Variants in MTOR observed in about 807,000 individuals in gnomAD.
MTOR encodes the protein mechanistic target of rapamycin kinase.
MTOR carries 70 observed loss-of-function variants against 319.8 expected under a neutral mutation model. That is an observed-to-expected ratio of 0.22 (90% CI 0.18 to 0.27). MTOR has a LOEUF of 0.27. MTOR is among the 10% of genes least tolerant of loss of function. The pLI, the probability that MTOR is intolerant of heterozygous loss-of-function variation, is 1.00. For synonymous variants in MTOR, 1,183 were observed against 1,211.4 expected, an observed-to-expected ratio of 0.98 and a Z score of 0.49; for missense variants, 1,890 against 3,274.4, an observed-to-expected ratio of 0.58 and a Z score of 10.32.
In MTOR at chr1:11,109,041, T is replaced by C. The variant is rs1250367882; in HGVS notation, c.7528+249A>G. Among the ~76,000 whole-genome samples, 1 of 152,172 alleles carries C rather than the reference T, an allele frequency of 6.6e-6. No homozygotes were observed. Among genetic ancestry groups the C allele is most frequent in the African/African-American group, 2.4e-5 (1 of 41,430 alleles). On this transcript the variant is annotated intron_variant, in intron 56 of 57. Coordinates refer to ENST00000361445, the MANE Select transcript of MTOR (RefSeq NM_004958.4). This position sits in a 1 kb window ranked among gnomAD's most constrained non-coding sequence, Gnocchi z 4.0. ...AACACTTCTCTGAATTTGGCTGATTTTGGACCCAAAAGAAATTTATTCACC... is the reference window on the plus strand; with the variant it reads ...AACACTTCTCTGAATTTGGCTGATTCTGGACCCAAAAGAAATTTATTCACC...
chr1:11,157,045 G>C, intron 30 of MTOR, 107 bp downstream of exon 30: 1 of 1,366,656 alleles, frequency 7.3e-7, no homozygotes, highest in Non-Finnish European at 9.9e-7. Context: ...GGAACAAAAT[G>C]AGTCTGAAGT....
intron 54 of MTOR, among the ~76,000 whole-genome samples, chr1:11,111,923 A>C (rs1029617048): frequency 5.3e-5 from 8 of 151,160 alleles, no homozygotes; most frequent in African/African-American, 2.0e-4. Context: ...TGCGGGGAAG[A>C]GGGGAGGGCT....
At chr1:11,192,768 A>G (rs1324901410) in intron 28 of MTOR, among the ~76,000 whole-genome samples, 1 of 131,748 alleles carries the variant, frequency 7.6e-6, no homozygotes, top group Admixed American at 7.8e-5. Flanking sequence ...AAAAAAAAAA[A>G]GGAAAACTCA....
chr1:11,135,588 C>A (rs1278583066), intron 36 of MTOR, among the ~76,000 whole-genome samples: 1 of 152,184 alleles, frequency 6.6e-6, no homozygotes, highest in African/African-American at 2.4e-5. Context: ...AATCCCAGCA[C>A]TTTAGGAGGC....
In MTOR at chr1:11,139,310, G is replaced by A. The variant is rs2100476689; in HGVS notation, c.5124C>T (p.Ala1708=). 3 of 1,605,266 alleles carry A rather than the reference G, an allele frequency of 1.9e-6. No individual in the cohort carries two copies. The highest frequency in any genetic ancestry group is 1.8e-5 in the Admixed American group (1 of 56,280). Residue 1708 remains alanine, a synonymous_variant, in exon 36 of 58, where the codon GCC becomes GCT. Coordinates refer to ENST00000361445, the MANE Select transcript of MTOR (RefSeq NM_004958.4). The stretch of plus-strand genomic sequence containing the variant: ...GATGCATTGGGATACAGACCTTGCG[G>A]GCACTCTTCCACATGTTTTTCATGT... The part of the protein sequence containing the change: ...YAYMKNMWKS[A]RKIDAFQHMQ...
Position 11,115,030 on chromosome 1 carries a change from G to A in MTOR, c.7090-143C>T. 3.0e-6 allele frequency: 2 copies of A among 656,080 alleles called. No individual in the cohort carries two copies. The highest frequency in any genetic ancestry group is 1.9e-5 in the South Asian group (1 of 53,138). The allele number at this position is 656,080 out of a possible 1,614,324, so 40.6% of individuals were successfully genotyped here. On this transcript the variant is annotated intron_variant, in intron 51 of 57. Transcript: ENST00000361445. This position sits in a 1 kb window ranked among gnomAD's most constrained non-coding sequence, Gnocchi z 4.5. ...GGAAGCAGCTTGGGTTTAGTGAGAG[G>A]ACTTGTCACAGGGATTTGAAAGACA...
intron 19 of MTOR, among the ~76,000 whole-genome samples, chr1:11,219,037 T>G (rs1344058979): frequency 6.6e-6 from 1 of 151,954 alleles, no homozygotes; most frequent in Non-Finnish European, 1.5e-5. Context: ...GGCAAAACCT[T>G]GTCTCTACCA....
intron 28 of MTOR, among the ~76,000 whole-genome samples, chr1:11,193,965 G>A (rs149629926): frequency 6.2e-4 from 94 of 152,140 alleles, no homozygotes; most frequent in African/African-American, 2.1e-3. Flanking sequence ...CCAACCCCCC[G>A]ACAAAAGTGG....
chr1:11,162,130 G>C (rs1444514724), intron 29 of MTOR, among the ~76,000 whole-genome samples: 1 of 152,204 alleles, frequency 6.6e-6, no homozygotes, highest in Non-Finnish European at 1.5e-5. Flanking sequence ...AGAACTACGT[G>C]ATGCATGCAC....
chr1:11,262,321 G>C (rs988018250), intron 1 of MTOR, 124 bp downstream of exon 1: 1 of 152,438 alleles, frequency 6.6e-6, no homozygotes, highest in African/African-American at 2.4e-5. Flanking sequence ...CAGGTCGTGG[G>C]GCCGGCAATG....
At chr1:11,150,300 G>A (rs1644095720) in intron 30 of MTOR, 74 bp from the exon 31 acceptor site, 1 of 1,342,754 alleles carries the variant, frequency 7.4e-7, no homozygotes, top group African/African-American at 1.4e-5. Flanking sequence ...CCTGCCCCTT[G>A]GGTTAGGTGA....
chr1:11,234,087 C>G, intron 14 of MTOR, 56 bp downstream of exon 14: 3 of 1,612,062 alleles, frequency 1.9e-6, no homozygotes, highest in Non-Finnish European at 2.5e-6. Flanking sequence ...TCCCATCTCC[C>G]CATATGAGCT....
intron 11 of MTOR, among the ~76,000 whole-genome samples, chr1:11,240,094 C>A (rs1371346916): frequency 6.6e-6 from 1 of 152,126 alleles, no homozygotes; most frequent in African/African-American, 2.4e-5. Context: ...TCCCTCAAAC[C>A]ATTTGCCCCC....
Position 11,128,205 on chromosome 1 carries a change from C to G in MTOR, c.5911-79G>C. 1 of 1,568,314 alleles carries G rather than the reference C, an allele frequency of 6.4e-7. No individual in the cohort carries two copies. The highest frequency in any genetic ancestry group is 8.7e-7 in the Non-Finnish European group (1 of 1,151,246). ...CTGGTATGAATTTTAAGGAGAATAA[C>G]AAAACAAGTGGTGAGTGTGACATTA... On this transcript the variant is annotated intron_variant, in intron 42 of 57. Transcript: ENST00000361445. This position sits in a 1 kb window ranked among gnomAD's most constrained non-coding sequence, Gnocchi z 5.3.
chr1:11,124,418 A>C, intron 47 of MTOR, 80 bp downstream of exon 47: 1 of 1,529,892 alleles, frequency 6.5e-7, no homozygotes, highest in South Asian at 1.2e-5. Context: ...GTTAAGATAT[A>C]ATACATGACT....
chr1:11,186,254 G>A (rs958708130), intron 28 of MTOR, among the ~76,000 whole-genome samples: 2 of 152,048 alleles, frequency 1.3e-5, no homozygotes, highest in African/African-American at 2.4e-5. Flanking sequence ...AGCTGAGAGT[G>A]GGCAGCAGTC....
chr1:11,139,997 G>A (rs1171815672), intron 34 of MTOR, among the ~76,000 whole-genome samples: 2 of 151,378 alleles, frequency 1.3e-5, no homozygotes, highest in African/African-American at 2.4e-5. Context: ...GCCTTTTCTT[G>A]TATTTTTAAT....
intron 53 of MTOR, 110 bp from the exon 54 acceptor site, chr1:11,113,027 C>T: frequency 1.7e-6 from 2 of 1,150,314 alleles, no homozygotes; most frequent in Non-Finnish European, 2.5e-6. Flanking sequence ...AGCTATAGCC[C>T]CAAAAAAAGA....
intron 11 of MTOR, among the ~76,000 whole-genome samples, chr1:11,239,134 G>C (rs1647637169): frequency 6.6e-6 from 1 of 152,098 alleles, no homozygotes; most frequent in African/African-American, 2.4e-5. Flanking sequence ...GTAAAAGGGG[G>C]TGGTGAAGGA....
Sources: allele counts gnomAD v4.1 joint callset (sites outside exome capture counted in the v4.1 genomes callset), GRCh38; gene constraint gnomAD v4.1.1; non-coding constraint Gnocchi (gnomAD v3.1); transcripts MANE v1.5; gene names NCBI Gene and HGNC (gene_info 2026-07-23, HGNC 2026-07-21).